The following CCSER1 variants were observed in gnomAD, a reference collection of about 807,000 sequenced individuals.
CCSER1 encodes coiled-coil serine rich protein 1.
CCSER1 carries 41 observed loss-of-function variants against 82.0 expected under a neutral mutation model. The ratio of observed to expected loss-of-function variants is 0.50; its 90% CI spans 0.39 to 0.65. The LOEUF is 0.65. CCSER1 is among the 30% of genes least tolerant of loss of function. CCSER1 has a pLI of 0.00. For missense variants in CCSER1, 1,119 were observed against 1,064.2 expected, an observed-to-expected ratio of 1.05 and a Z score of -0.72; for synonymous variants, 414 against 383.9, an observed-to-expected ratio of 1.08 and a Z score of -0.92.
chr4:91,309,113 C>A (rs1745267666), intron 10 of CCSER1, among the ~76,000 whole-genome samples: 1 of 151,860 alleles, frequency 6.6e-6, no homozygotes, highest in Non-Finnish European at 1.5e-5. Context: ...TTAAAAATAG[C>A]AACATATTTT....
At chr4:90,643,415 G>C (rs933419098) in intron 6 of CCSER1, among the ~76,000 whole-genome samples, 3 of 152,138 alleles carry the variant, frequency 2.0e-5, no homozygotes, top group Admixed American at 1.3e-4. Flanking sequence ...CATTGGGTCC[G>C]TGACATTGGA....
chr4:90,942,133 A>G (rs577716447), intron 9 of CCSER1, among the ~76,000 whole-genome samples: 28 of 152,066 alleles, frequency 1.8e-4, no homozygotes, highest in African/African-American at 6.8e-4. Flanking sequence ...TATTTTTTGT[A>G]GAGATGGGGT....
At chr4:90,268,763 A>G (rs1013220515) in intron 1 of CCSER1, among the ~76,000 whole-genome samples, 1 of 152,164 alleles carries the variant, frequency 6.6e-6, no homozygotes, top group African/African-American at 2.4e-5. Flanking sequence ...TGGTCAATGA[A>G]TGAAAAAACA....
chr4:91,139,447 G>A (rs1728816631), intron 10 of CCSER1, among the ~76,000 whole-genome samples: 1 of 152,026 alleles, frequency 6.6e-6, no homozygotes, highest in Non-Finnish European at 1.5e-5. Flanking sequence ...AGAATAAGAG[G>A]CTTTATTATT....
At chr4:90,927,339 G>A (rs992282892) in intron 9 of CCSER1, among the ~76,000 whole-genome samples, 7 of 151,982 alleles carry the variant, frequency 4.6e-5, no homozygotes, top group African/African-American at 1.4e-4. Flanking sequence ...CATTTAATAA[G>A]AAGCCATTTT....
At chr4:90,561,300 C>A (rs1388821820) in intron 5 of CCSER1, among the ~76,000 whole-genome samples, 1 of 152,126 alleles carries the variant, frequency 6.6e-6, no homozygotes, top group Non-Finnish European at 1.5e-5. Context: ...AGACTCTGTC[C>A]AAGAATGAAA....
At chr4:91,056,795 G>T (rs772864822) in intron 9 of CCSER1, among the ~76,000 whole-genome samples, 5 of 152,156 alleles carry the variant, frequency 3.3e-5, no homozygotes, top group Non-Finnish European at 5.9e-5. Flanking sequence ...TCAGGCTGAG[G>T]TGTAAAGTAA....
At chr4:90,252,085 A>G (rs1433481754) in intron 1 of CCSER1, among the ~76,000 whole-genome samples, 1 of 151,880 alleles carries the variant, frequency 6.6e-6, no homozygotes, top group South Asian at 2.1e-4. Flanking sequence ...CAGGTTGAGT[A>G]TCCCGTATCT....
At chr4:91,340,643 T>G (rs1324705682) in intron 10 of CCSER1, among the ~76,000 whole-genome samples, 1 of 152,198 alleles carries the variant, frequency 6.6e-6, no homozygotes, top group Non-Finnish European at 1.5e-5. Flanking sequence ...TCTTCTATCA[T>G]ACTTTGATAA....
intron 10 of CCSER1, among the ~76,000 whole-genome samples, chr4:91,159,107 A>G (rs1008935952): frequency 6.6e-6 from 1 of 151,926 alleles, no homozygotes; most frequent in African/African-American, 2.4e-5. Context: ...GAATTTTAAC[A>G]TTTGAGATGT....
At chr4:90,968,866 T>A (rs1734819483) in intron 9 of CCSER1, among the ~76,000 whole-genome samples, 1 of 149,486 alleles carries the variant, frequency 6.7e-6, no homozygotes, top group East Asian at 2.0e-4. Flanking sequence ...TAAAAAAAAA[T>A]CAAAATAATT....
At chr4:91,288,168 A>G (rs1743465803) in intron 10 of CCSER1, among the ~76,000 whole-genome samples, 1 of 127,996 alleles carries the variant, frequency 7.8e-6, no homozygotes, top group Non-Finnish European at 1.7e-5. Flanking sequence ...ATATACATAC[A>G]CACACACATA....
rs182723780 is a variant in CCSER1 at position 90,330,822 on chromosome 4, G to C, written c.1509+17775G>C. Among the ~76,000 whole-genome samples, 74 of 152,254 alleles carry C rather than the reference G, an allele frequency of 4.9e-4. 2 individuals are homozygous for C. The Middle Eastern group carries it at 0.02, about 42-fold the overall frequency. On this transcript the variant is annotated intron_variant, in intron 3 of 10. Transcript: ENST00000509176. ...TGTTAACTAAAGAAGTTCAAAGATA[G>C]CCACAGTTGTTCAGTATATAGTTTT...
intron 1 of CCSER1, among the ~76,000 whole-genome samples, chr4:90,157,184 GA>G (rs1485568929): frequency 2.6e-5 from 4 of 152,148 alleles, no homozygotes; most frequent in Admixed American, 2.6e-4. Context: ...TTTTCTTTAA[GA>G]ATGTTGAATA....
intron 10 of CCSER1, among the ~76,000 whole-genome samples, chr4:91,471,804 C>T (rs1359005651): frequency 6.6e-6 from 1 of 151,828 alleles, no homozygotes; most frequent in East Asian, 2.0e-4. Flanking sequence ...CTTGTCTCTA[C>T]TAAAAATACA....
At chr4:91,332,813 CT>C (rs943145413) in intron 10 of CCSER1, among the ~76,000 whole-genome samples, 1 of 151,936 alleles carries the variant, frequency 6.6e-6, no homozygotes, top group Admixed American at 6.6e-5. Flanking sequence ...TCTGAACCTA[CT>C]TTTTATATAA....
At chr4:91,109,150 T>A (rs1725879268) in intron 10 of CCSER1, among the ~76,000 whole-genome samples, 1 of 152,110 alleles carries the variant, frequency 6.6e-6, no homozygotes, top group African/African-American at 2.4e-5. Context: ...AGCATCCATT[T>A]CCCTAGTCCT....
chr4:90,309,656 T>C, intron 2 of CCSER1, 48 bp downstream of exon 2: 1 of 1,381,922 alleles, frequency 7.2e-7, no homozygotes, highest in South Asian at 1.5e-5. Context: ...TAATTTTCAT[T>C]ATACTTTATT....
intron 9 of CCSER1, among the ~76,000 whole-genome samples, chr4:90,991,416 T>A (rs981932640): frequency 6.6e-5 from 10 of 151,938 alleles, no homozygotes; most frequent in African/African-American, 9.7e-5. Flanking sequence ...TAAAGAGAAA[T>A]CCTTCTTTGT....
Sources: gnomAD v4.1 joint callset for allele counts (sites outside exome capture counted in the v4.1 genomes callset) on GRCh38, gnomAD v4.1.1 for gene constraint, MANE v1.5 for transcripts, NCBI Gene and HGNC (gene_info 2026-07-23, HGNC 2026-07-21) for gene names.